The following AGPAT3 variants were observed in gnomAD, a reference collection of about 807,000 sequenced individuals.
AGPAT3 encodes the protein 1-acyl-sn-glycerol-3-phosphate acyltransferase gamma.
AGPAT3 carries 5 observed loss-of-function variants against 47.3 expected under a neutral mutation model. The observed-to-expected ratio is 0.11, with a 90% confidence interval of 0.06 to 0.22. AGPAT3 has a LOEUF of 0.22. Ranked by LOEUF, AGPAT3 falls within the 10% of genes least tolerant of loss-of-function variation. The pLI is 1.00. For synonymous variants in AGPAT3, 212 were observed against 208.3 expected, an observed-to-expected ratio of 1.02 and a Z score of -0.15; for missense variants, 315 against 493.0, an observed-to-expected ratio of 0.64 and a Z score of 3.42.
At chr21:43,897,818 G>A (rs1011828064) in intron 1 of AGPAT3, among the ~76,000 whole-genome samples, 5 of 152,194 alleles carry the variant, frequency 3.3e-5, no homozygotes, top group African/African-American at 1.2e-4. Context: ...GTAGCGAGCC[G>A]AGATCACGCC....
In AGPAT3 at chr21:43,955,761, C is replaced by T. The variant is rs1218367923; in HGVS notation, c.-48-3873C>T. On this transcript the variant is annotated intron_variant, in intron 2 of 9. Coordinates refer to ENST00000291572, the MANE Select transcript of AGPAT3 (RefSeq NM_020132.5). This position sits in a 1 kb window ranked among gnomAD's most constrained non-coding sequence, Gnocchi z 4.1. ...TCTCTACTAAACATACAAAAATTTG[C>T]TGGACATGGTGGTGCATACCTGTGG... is the stretch of plus-strand genomic sequence containing the variant. Among the ~76,000 whole-genome samples the T allele has an allele frequency of 2.0e-5, 3 of 151,906 alleles. No homozygotes were observed. Among genetic ancestry groups the T allele is most frequent in the Non-Finnish European group, 4.4e-5 (3 of 68,000 alleles).
intron 1 of AGPAT3, among the ~76,000 whole-genome samples, chr21:43,875,898 GTGCCCAGCCTC>G (rs2085723552): frequency 6.6e-6 from 1 of 152,162 alleles, no homozygotes; most frequent in African/African-American, 2.4e-5. Flanking sequence ...GTGAGCCACC[GTGCCCAGCCTC>G]TGCGCTATTA....
intron 6 of AGPAT3, 38 bp from the exon 7 acceptor site, chr21:43,971,350 C>T (rs893029894): frequency 6.3e-7 from 1 of 1,592,780 alleles, no homozygotes; most frequent in African/African-American, 1.3e-5. Context: ...ATGCAGCCGC[C>T]TGGGCTGGGT....
chr21:43,941,774 G>A (rs1030572945), intron 2 of AGPAT3, among the ~76,000 whole-genome samples: 8 of 152,286 alleles, frequency 5.3e-5, no homozygotes. Flanking sequence ...TCCACGGACC[G>A]TTCCTGGCGC....
chr21:43,890,603 G>T (rs555655934), intron 1 of AGPAT3, among the ~76,000 whole-genome samples: 1 of 151,702 alleles, frequency 6.6e-6, no homozygotes, highest in South Asian at 2.1e-4. Flanking sequence ...TGTAGAGATG[G>T]GTTTTCACCA....
rs893570917 is a variant in AGPAT3, at chr21:43,981,029, C to T, written c.884C>T (p.Pro295Leu). ...ATATATAATCAGAAGGGCATGTTTC[C>T]AGGGGAGCAGTTTAAGCCTGCCCGG... ...QEIYNQKGMF[P>L]GEQFKPARRP... Residue 295 changes from proline (P) to leucine (L), a missense_variant, in exon 9 of 10, where the codon CCA (proline) becomes CTA (leucine). Transcript: ENST00000291572. This position sits in a 1 kb window ranked among gnomAD's most constrained non-coding sequence, Gnocchi z 5.3. 1.9e-6 allele frequency: 3 copies of T among 1,614,076 alleles called. No individual in the cohort carries two copies. Among genetic ancestry groups the T allele is most frequent in the Admixed American group, 3.3e-5 (2 of 60,008 alleles).
intron 7 of AGPAT3, among the ~76,000 whole-genome samples, chr21:43,974,835 G>C (rs1425493881): frequency 6.6e-6 from 1 of 152,208 alleles, no homozygotes; most frequent in Admixed American, 6.5e-5. Context: ...AGAAGCCTCT[G>C]CGCCTCGGTT....
intron 1 of AGPAT3, among the ~76,000 whole-genome samples, chr21:43,870,352 G>A (rs1282137312): frequency 6.6e-6 from 1 of 152,076 alleles, no homozygotes; most frequent in Non-Finnish European, 1.5e-5. Context: ...CCAGCTCCAG[G>A]CTAGCATTGC....
intron 1 of AGPAT3, chr21:43,882,489 C>T (rs2085875916): frequency 6.6e-6 from 1 of 152,294 alleles, no homozygotes; most frequent in East Asian, 1.9e-4. Flanking sequence ...AGCAGGCTTC[C>T]TCTTCCTCCC....
At chr21:43,925,994 G>A (rs1320409915) in intron 2 of AGPAT3, among the ~76,000 whole-genome samples, 3 of 152,266 alleles carry the variant, frequency 2.0e-5, no homozygotes, top group Non-Finnish European at 2.9e-5. Context: ...CTGAGAGCTG[G>A]AAATAGGTAC....
rs187857759 is a variant in AGPAT3, at chr21:43,928,967, C to T, written c.-49+24948C>T. Among the ~76,000 whole-genome samples the T allele has an allele frequency of 2.9e-4, 44 of 152,350 alleles. 2 individuals are homozygous for T. The East Asian group carries it at 6.9e-3, about 24-fold the overall frequency. Reference sequence around the variant, plus strand: ...ACCCACCACCCCCACCTTGTCTGCACGTGACTGTGACTGACTTTAGGAGGC... The same window carrying T: ...ACCCACCACCCCCACCTTGTCTGCATGTGACTGTGACTGACTTTAGGAGGC... On this transcript the variant is annotated intron_variant, in intron 2 of 9. Transcript: ENST00000291572.
rs748676164 is a variant in AGPAT3 at position 43,959,786 on chromosome 21, G to A, written c.105G>A (p.Thr35=). 33 of 1,613,394 alleles carry A rather than the reference G, an allele frequency of 2.0e-5. No homozygotes were observed. The highest frequency in any genetic ancestry group is 1.6e-4 in the Middle Eastern group (1 of 6,082). The change falls in exon 3 of 10, where the codon ACG becomes ACA. Residue 35 remains threonine (T), a synonymous_variant. Coordinates refer to ENST00000291572, the MANE Select transcript of AGPAT3 (RefSeq NM_020132.5). ...TCATCAACTTCGTCCAGCTGTGCACGCTGGCGCTCTGGCCGGTCAGCAAGC... is the reference window on the plus strand; with the variant it reads ...TCATCAACTTCGTCCAGCTGTGCACACTGGCGCTCTGGCCGGTCAGCAAGC... ...GLVINFVQLC[T]LALWPVSKQL...
intron 1 of AGPAT3, among the ~76,000 whole-genome samples, chr21:43,881,430 A>T (rs961599589): frequency 2.2e-4 from 33 of 152,332 alleles, no homozygotes; most frequent in Admixed American, 2.0e-3. Context: ...AGAACGTGTC[A>T]TACCTCAGCC....
chr21:43,902,996 G>A (rs1320817641), intron 1 of AGPAT3, among the ~76,000 whole-genome samples: 1 of 152,090 alleles, frequency 6.6e-6, no homozygotes, highest in Non-Finnish European at 1.5e-5. Context: ...GCGAGATCCT[G>A]TCTCAAAAAA....
At chr21:43,966,341 GTC>G (rs1350850925) in intron 3 of AGPAT3, 2 of 152,318 alleles carry the variant, frequency 1.3e-5, no homozygotes, top group Non-Finnish European at 2.9e-5. Context: ...AAAGGCAGAG[GTC>G]TCAAGCACTT....
In AGPAT3 at chr21:43,986,427, T is replaced by C. The variant is rs1454829150; in HGVS notation, c.*4035T>C. On this transcript the variant is annotated 3_prime_UTR_variant, in exon 10 of 10. Coordinates refer to ENST00000291572, the MANE Select transcript of AGPAT3 (RefSeq NM_020132.5). ...CAATGTCACCTGGAGTTCGTCTCCATTTCTTAACTTTTTGTTGCACAAGTA... is the reference window on the plus strand; with the variant it reads ...CAATGTCACCTGGAGTTCGTCTCCACTTCTTAACTTTTTGTTGCACAAGTA... The C allele has an allele frequency of 6.6e-6, 1 of 152,646 alleles. No individual in the cohort carries two copies. The highest frequency in any genetic ancestry group is 1.5e-5 in the Non-Finnish European group (1 of 68,048). 9.5% of individuals were successfully genotyped at this position (152,646 alleles called of 1,614,324 possible).
In AGPAT3 at chr21:43,969,158, C is replaced by T; in HGVS notation, c.389C>T (p.Pro130Leu). ...GCTAAGAAGGAGCTGCTCTACGTGC[C>T]CCTCATCGGCTGGACGTGGTACTTT... ...VLAKKELLYV[P>L]LIGWTWYFLE... The change falls in exon 5 of 10, where the codon CCC becomes CTC. Residue 130 changes from proline to leucine, a missense_variant. Physicochemically the swap from Pro to Leu is moderately conservative, Grantham distance 98. Transcript: ENST00000291572. 6.2e-7 allele frequency: 1 copy of T among 1,614,206 alleles called. No individual in the cohort carries two copies. Among genetic ancestry groups the T allele is most frequent in the Non-Finnish European group, 8.5e-7 (1 of 1,180,038 alleles).
intron 7 of AGPAT3, 146 bp from the exon 8 acceptor site, chr21:43,977,896 AAAAG>A (rs1281112962): frequency 8.3e-5 from 51 of 613,434 alleles, no homozygotes; most frequent in African/African-American, 5.8e-4. Context: ...AAAAAAAAAA[AAAAG>A]AAAAGAAAAG....
chr21:43,969,406 C>T, intron 5 of AGPAT3, 127 bp downstream of exon 5: 1 of 1,228,306 alleles, frequency 8.1e-7, no homozygotes, highest in East Asian at 2.5e-5. Flanking sequence ...GTGCTGTTTC[C>T]ATGGGGCCAT....
Sources: allele counts gnomAD v4.1 joint callset (sites outside exome capture counted in the v4.1 genomes callset), GRCh38; gene constraint gnomAD v4.1.1; non-coding constraint Gnocchi (gnomAD v3.1); transcripts MANE v1.5; gene names NCBI Gene and HGNC (gene_info 2026-07-23, HGNC 2026-07-21).